INPP5D: variants seen among roughly 807,000 people sequenced by gnomAD.
INPP5D encodes the protein inositol polyphosphate-5-phosphatase D.
In INPP5D, 33 loss-of-function variants were observed where a neutral mutation model predicts 122.9. The ratio of observed to expected loss-of-function variants is 0.27; its 90% CI spans 0.20 to 0.36. The LOEUF (loss-of-function observed/expected upper bound fraction) is 0.36. INPP5D is among the 10% of genes least tolerant of loss of function. The pLI, the probability that INPP5D is intolerant of heterozygous loss-of-function variation, is 1.00. For synonymous variants in INPP5D, 584 were observed against 576.2 expected (o/e 1.01, Z -0.19); for missense variants, 1,053 against 1,412.7 (o/e 0.75, Z 4.08).
chr2:233,185,120 G>C (rs79339118), intron 20 of INPP5D, among the ~76,000 whole-genome samples: 1 of 152,146 alleles, frequency 6.6e-6, no homozygotes, highest in Non-Finnish European at 1.5e-5. Flanking sequence ...GAAGAGCTGC[G>C]TGTGTCCAGC....
rs181864830 is a variant in INPP5D, at chr2:233,128,898, C to A, written c.525-1610C>A. ...AAGCCTGGAATAAAAATCTTTAAGGCGGCTGGGCAGGGTGGTTCACACCTG... is the reference window on the plus strand; with the variant it reads ...AAGCCTGGAATAAAAATCTTTAAGGAGGCTGGGCAGGGTGGTTCACACCTG... On this transcript the variant is annotated intron_variant, in intron 4 of 26. Coordinates refer to ENST00000445964, the MANE Select transcript of INPP5D (RefSeq NM_001017915.3). This position sits in a 1 kb window ranked among gnomAD's most constrained non-coding sequence, Gnocchi z 4.5. Among the ~76,000 whole-genome samples, 753 of 152,210 alleles carry A rather than the reference C, an allele frequency of 4.9e-3. 2 individuals carry two copies. Among genetic ancestry groups the A allele is most frequent in the Middle Eastern group, 0.02 (6 of 294 alleles).
intron 1 of INPP5D, among the ~76,000 whole-genome samples, chr2:233,068,160 C>T (rs1237170282): frequency 6.6e-5 from 10 of 152,070 alleles, no homozygotes; most frequent in Non-Finnish European, 2.9e-5. Flanking sequence ...TGGCATATGC[C>T]TGTAATCCCA....
intron 5 of INPP5D, among the ~76,000 whole-genome samples, chr2:233,131,958 A>C (rs1693340536): frequency 6.6e-6 from 1 of 152,214 alleles, no homozygotes. Context: ...ACATTCGGTA[A>C]ATTTAACAAA....
In INPP5D at chr2:233,105,227, C is replaced by T. The variant is rs1207250778; in HGVS notation, c.199-16880C>T. On this transcript the variant is annotated intron_variant, in intron 2 of 26. Coordinates refer to ENST00000445964, the MANE Select transcript of INPP5D (RefSeq NM_001017915.3). The surrounding 1 kb of genome is among the most constrained non-coding windows in gnomAD (Gnocchi z 4.0). ...GAGCAGGGGGGCGGTCAGTGGGTCC[C>T]AGGGAACTGGGTAGGACAGCAGCTG... Among the ~76,000 whole-genome samples, 2 of 152,132 alleles carry T rather than the reference C, an allele frequency of 1.3e-5. No homozygotes were observed. Among genetic ancestry groups the T allele is most frequent in the East Asian group, 1.9e-4 (1 of 5,184 alleles).
intron 9 of INPP5D, among the ~76,000 whole-genome samples, chr2:233,149,252 C>A (rs1391031274): frequency 6.6e-6 from 1 of 151,962 alleles, no homozygotes; most frequent in Non-Finnish European, 1.5e-5. Context: ...TACAGGACCA[C>A]CACCACGCCC....
rs762171669 is a variant in INPP5D, at chr2:233,161,835, G to A, written c.1240+9G>A. ...CGGCACCTGGAACATGGGTGGGTCC[G>A]CGCGCCCCCTCCCTGCAGTCACCCC... On this transcript the variant is annotated intron_variant, in intron 11 of 26. Transcript: ENST00000445964. The A allele has an allele frequency of 2.1e-5, 34 of 1,609,344 alleles. No individual in the cohort carries two copies. Among genetic ancestry groups the A allele is most frequent in the Admixed American group, 5.1e-5 (3 of 59,400 alleles).
At chr2:233,129,169 AAAAT>A (rs755463530) in intron 4 of INPP5D, among the ~76,000 whole-genome samples, 6 of 152,150 alleles carry the variant, frequency 3.9e-5, no homozygotes, top group East Asian at 3.9e-4. Context: ...CTGTCTCAAA[AAAAT>A]AAATAAATAA....
chr2:233,176,448 G>A (rs1204578424), intron 17 of INPP5D, among the ~76,000 whole-genome samples: 3 of 137,978 alleles, frequency 2.2e-5, no homozygotes, highest in Admixed American at 7.4e-5. Context: ...TGGATGGATG[G>A]GTGGATAGGT....
chr2:233,088,653 C>T (rs1574715700), intron 2 of INPP5D, among the ~76,000 whole-genome samples: 2 of 152,202 alleles, frequency 1.3e-5, no homozygotes, highest in South Asian at 4.1e-4. Context: ...ATGTCTGACA[C>T]GTGACTCCAT....
intron 25 of INPP5D, among the ~76,000 whole-genome samples, chr2:233,199,838 G>GAA (rs138458222): frequency 6.6e-6 from 1 of 151,750 alleles, no homozygotes. Flanking sequence ...CAAAAGAAAA[G>GAA]AAAAAAAATG....
intron 2 of INPP5D, among the ~76,000 whole-genome samples, chr2:233,114,059 A>G (rs1349499094): frequency 1.3e-5 from 2 of 152,044 alleles, no homozygotes; most frequent in African/African-American, 2.4e-5. Context: ...TACAGGCGCC[A>G]CCAACACGCC....
In INPP5D at chr2:233,181,028, G is replaced by T. The variant is rs142484859; in HGVS notation, c.2072-1382G>T. ...GCATCTTCCTCCCTCCTGTCTCAGAGAAGGGGTAGCCTCCTCTTTCTTTCC... is the reference window on the plus strand; with the variant it reads ...GCATCTTCCTCCCTCCTGTCTCAGATAAGGGGTAGCCTCCTCTTTCTTTCC... On this transcript the variant is annotated intron_variant, in intron 18 of 26. Transcript: ENST00000445964. Among the ~76,000 whole-genome samples, 130 of 152,304 alleles carry T rather than the reference G, an allele frequency of 8.5e-4. 5 individuals carry two copies. The highest frequency in any genetic ancestry group is 3.0e-3 in the African/African-American group (123 of 41,568).
chr2:233,126,025 A>C, intron 4 of INPP5D, 106 bp downstream of exon 4: 1 of 1,124,140 alleles, frequency 8.9e-7, no homozygotes, highest in Non-Finnish European at 1.3e-6. Context: ...TGGTGACCAG[A>C]GGGAGATGGG....
intron 19 of INPP5D, 92 bp from the exon 20 acceptor site, chr2:233,184,316 G>A (rs1694854832): frequency 2.0e-6 from 3 of 1,504,668 alleles, no homozygotes; most frequent in Non-Finnish European, 2.7e-6. Flanking sequence ...GGGACCCTGA[G>A]AAGGAGCTCA....
rs968401538 is a variant in INPP5D, at chr2:233,177,161, G to A, written c.1990-104G>A. 1.2e-5 allele frequency: 17 copies of A among 1,471,508 alleles called. No homozygotes were observed. The highest frequency in any genetic ancestry group is 6.2e-5 in the South Asian group (5 of 80,956). The allele number at this position is 1,471,508 out of a possible 1,614,324, so 91.2% of individuals were successfully genotyped here. A position where few individuals can be genotyped will look rare whatever the true frequency, so the allele number is the denominator to read the frequency against. The stretch of plus-strand genomic sequence containing the variant: ...GAAATTCTATAAAAAGCCAACAGCC[G>A]ATGAATTTGAGGATTACAGAGGCCA... On this transcript the variant is annotated intron_variant, in intron 17 of 26. Coordinates refer to ENST00000445964, the MANE Select transcript of INPP5D (RefSeq NM_001017915.3). The surrounding 1 kb of genome is among the most constrained non-coding windows in gnomAD (Gnocchi z 4.2).
chr2:233,112,734 C>T (rs374391386), intron 2 of INPP5D, among the ~76,000 whole-genome samples: 8 of 152,100 alleles, frequency 5.3e-5, no homozygotes, highest in African/African-American at 1.7e-4. Flanking sequence ...TGCAGTGGTA[C>T]GATCTCAGCT....
At chr2:233,137,453 C>G (rs1033007370) in intron 5 of INPP5D, among the ~76,000 whole-genome samples, 1 of 136,660 alleles carries the variant, frequency 7.3e-6, no homozygotes, top group African/African-American at 2.7e-5. Flanking sequence ...TTCCATTAAA[C>G]TTTTTTTTTT....
rs1400132486 is a variant in INPP5D at position 233,204,204 on chromosome 2, G to T, written c.3054G>T (p.Glu1018Asp). The change falls in exon 26 of 27, where the codon GAG (glutamate) becomes GAT (aspartate). Residue 1018 changes from glutamate (E) to aspartate (D), a missense_variant. Physicochemically the swap from Glu to Asp is conservative, Grantham distance 45. This residue lies in a region of INPP5D where 417 missense variants were observed against 425.8 expected (regional missense o/e 0.98). Coordinates refer to ENST00000445964, the MANE Select transcript of INPP5D (RefSeq NM_001017915.3). ...CGCTGACGAAGCCCGAGATGTTTGA[G>T]AACCCCCTGTATGGGTCCCTGAGTT... The part of the protein sequence containing the change: ...DLPLTKPEMF[E>D]NPLYGSLSSF... The T allele has an allele frequency of 6.2e-7, 1 of 1,612,908 alleles. No individual in the cohort carries two copies. The highest frequency in any genetic ancestry group is 8.5e-7 in the Non-Finnish European group (1 of 1,179,576).
chr2:233,089,324 C>G (rs1163770075), intron 2 of INPP5D, among the ~76,000 whole-genome samples: 1 of 152,194 alleles, frequency 6.6e-6, no homozygotes, highest in African/African-American at 2.4e-5. Flanking sequence ...GGGTTTACTA[C>G]TATTGTTGCT....
Sources: allele counts gnomAD v4.1 joint callset (sites outside exome capture counted in the v4.1 genomes callset), GRCh38; gene constraint gnomAD v4.1.1; regional missense constraint gnomAD v4.1.1; non-coding constraint Gnocchi (gnomAD v3.1); transcripts MANE v1.5; gene names NCBI Gene and HGNC (gene_info 2026-07-23, HGNC 2026-07-21).